CUX1: variants seen among roughly 807,000 people sequenced by gnomAD.
The protein encoded by CUX1 is cut like homeobox 1, also known as protein CASP.
In CUX1, 31 loss-of-function variants were observed where a neutral mutation model predicts 158.8. That is an observed-to-expected ratio of 0.20 (90% CI 0.15 to 0.26). CUX1 has a LOEUF of 0.26. CUX1 is among the 10% of genes least tolerant of loss of function. CUX1 has a pLI of 1.00. For missense variants in CUX1, 1,589 were observed against 2,014.6 expected (o/e 0.79, Z 4.04); for synonymous variants, 879 against 862.1 (o/e 1.02, Z -0.34).
At chr7:102,262,835 G>A (rs1434429007), downstream of CUX1, among the ~76,000 whole-genome samples, 5 of 152,110 alleles carry the variant, frequency 3.3e-5, no homozygotes, top group African/African-American at 1.2e-4. Flanking sequence ...AATACATACC[G>A]AAGGCTGACC....
At chr7:102,008,718 A>C (rs1201326899) in intron 2 of CUX1, among the ~76,000 whole-genome samples, 5 of 138,202 alleles carry the variant, frequency 3.6e-5, no homozygotes, top group African/African-American at 1.3e-4. Context: ...TGACTAGGAC[A>C]GGACATGGGG....
rs1563425647 is a variant in CUX1 at position 102,216,633 on chromosome 7, C to CA, written c.3131-10734_3131-10733insA. ...ACACACACTCCCCACACACACACCC[C>CA]CACACACGCACACACACACACTCTC... On this transcript the variant is annotated intron_variant, in intron 20 of 23. Coordinates refer to ENST00000292535, the MANE Select transcript of CUX1 (RefSeq NM_181552.4). 4.3e-3 allele frequency among the ~76,000 whole-genome samples: 442 copies of CA among 102,318 alleles called. 10 individuals carry two copies. The highest frequency in any genetic ancestry group is 0.016 in the African/African-American group (419 of 25,598). 67.1% of individuals were successfully genotyped at this position (102,318 alleles called of 152,430 possible). A position where few individuals can be genotyped will look rare whatever the true frequency, so the allele number is the denominator to read the frequency against.
chr7:102,224,866 C>G (rs1798191333), intron 20 of CUX1, among the ~76,000 whole-genome samples: 1 of 152,194 alleles, frequency 6.6e-6, no homozygotes, highest in Non-Finnish European at 1.5e-5. Context: ...GTTGACCTTG[C>G]TGTGGGTTAA....
At chr7:101,950,438 T>TA (rs1293872748) in intron 2 of CUX1, among the ~76,000 whole-genome samples, 1 of 152,128 alleles carries the variant, frequency 6.6e-6, no homozygotes, top group East Asian at 1.9e-4. Context: ...TGTAGTAAAA[T>TA]ACACATAACA....
chr7:102,243,090 A>G (rs548342227), intron 23 of CUX1, among the ~76,000 whole-genome samples: 1 of 152,240 alleles, frequency 6.6e-6, no homozygotes, highest in Admixed American at 6.5e-5. Flanking sequence ...CCTGGCCAAC[A>G]TGATGAAACC....
At chr7:101,952,769 G>A (rs1057514213) in intron 2 of CUX1, among the ~76,000 whole-genome samples, 1 of 152,150 alleles carries the variant, frequency 6.6e-6, no homozygotes, top group African/African-American at 2.4e-5. Context: ...GGCTTACCTG[G>A]TCCCAGAGGT....
intron 3 of CUX1, among the ~76,000 whole-genome samples, chr7:102,040,942 A>G (rs947164012): frequency 2.6e-5 from 4 of 152,276 alleles, no homozygotes; most frequent in Non-Finnish European, 5.9e-5. Flanking sequence ...TTGGTTGACT[A>G]TCGCTAGCAG....
At chr7:102,110,684 G>A (rs1830795262) in intron 6 of CUX1, among the ~76,000 whole-genome samples, 1 of 152,098 alleles carries the variant, frequency 6.6e-6, no homozygotes, top group South Asian at 2.1e-4. Context: ...AGTGTGTTAT[G>A]TGTTTGCTTA....
At chr7:102,088,279 T>A (rs1554481201) in intron 4 of CUX1, among the ~76,000 whole-genome samples, 1 of 152,200 alleles carries the variant, frequency 6.6e-6, no homozygotes, top group Non-Finnish European at 1.5e-5. Context: ...ATTACAAGCG[T>A]GAGCCACCGC....
intron 20 of CUX1, among the ~76,000 whole-genome samples, chr7:102,208,378 A>C (rs1405042627): frequency 6.6e-6 from 1 of 152,098 alleles, no homozygotes; most frequent in Non-Finnish European, 1.5e-5. Flanking sequence ...CAAGTAGCTG[A>C]AACTACAGGC....
At chr7:101,856,182 CAAAAAAAAAAAAAA>C (rs768518044) in intron 1 of CUX1, among the ~76,000 whole-genome samples, 2 of 48,040 alleles carry the variant, frequency 4.2e-5, no homozygotes, top group African/African-American at 1.5e-4. Context: ...GACCCTGTCT[CAAAAAAAAAAAAAA>C]AAAAAAAAAA....
chr7:101,881,005 G>A (rs1320052579), intron 1 of CUX1, among the ~76,000 whole-genome samples: 3 of 152,204 alleles, frequency 2.0e-5, no homozygotes, highest in Non-Finnish European at 2.9e-5. Context: ...TTGATTTTGG[G>A]GGAGCCCCCC....
intron 2 of CUX1, among the ~76,000 whole-genome samples, chr7:102,021,088 C>T (rs1217578198): frequency 2.0e-5 from 3 of 151,704 alleles, no homozygotes; most frequent in Non-Finnish European, 4.4e-5. Context: ...CAGAAGTGAC[C>T]CAGTTCAGCC....
chr7:102,233,928 A>C (rs782383800), intron 21 of CUX1, 124 bp from the exon 22 acceptor site: 6 of 607,864 alleles, frequency 9.9e-6, no homozygotes, highest in Non-Finnish European at 1.5e-5. Context: ...GTAAGCTAGG[A>C]TGTCACCAGC....
chr7:102,089,737 A>C (rs1169343705), intron 4 of CUX1, among the ~76,000 whole-genome samples: 1 of 152,236 alleles, frequency 6.6e-6, no homozygotes, highest in East Asian at 1.9e-4. Context: ...GCCTCTCTGC[A>C]GATTTCTGTA....
At chr7:102,171,885 T>C (rs371484046) in intron 10 of CUX1, among the ~76,000 whole-genome samples, 1 of 152,148 alleles carries the variant, frequency 6.6e-6, no homozygotes, top group African/African-American at 2.4e-5. Flanking sequence ...TGAGTACATA[T>C]CAGTTGTAGG....
Position 102,281,825 on chromosome 7 carries a change from C to T in CUX1, c.1822-15C>T, listed in dbSNP as rs1487066372. 4 of 1,596,598 alleles carry T rather than the reference C, an allele frequency of 2.5e-6. No homozygotes were observed. The African/African-American group carries it at 4.0e-5, about 16-fold the overall frequency. On this transcript the variant is annotated splice_polypyrimidine_tract_variant and intron_variant, in intron 20 of 22. Coordinates refer to the CUX1 transcript ENST00000292538. ...AGGCCGGCCCCATCCCCACTCACCCCCTCCTTGCTCCCAGGGGCGTCTGGT... is the reference window on the plus strand; with the variant it reads ...AGGCCGGCCCCATCCCCACTCACCCTCTCCTTGCTCCCAGGGGCGTCTGGT...
chr7:102,065,025 A>G (rs578135746), intron 3 of CUX1, among the ~76,000 whole-genome samples: 16 of 152,290 alleles, frequency 1.1e-4, no homozygotes, highest in African/African-American at 3.8e-4. Context: ...GGGACAACCT[A>G]CCACAGACTG....
intron 2 of CUX1, among the ~76,000 whole-genome samples, chr7:101,971,780 C>A (rs1811986937): frequency 6.6e-6 from 1 of 152,190 alleles, no homozygotes; most frequent in South Asian, 2.1e-4. Context: ...TTGCCGGTTA[C>A]AAGTTGCTGG....
Sources: gnomAD v4.1 joint callset for allele counts (sites outside exome capture counted in the v4.1 genomes callset) on GRCh38, gnomAD v4.1.1 for gene constraint, MANE v1.5 for transcripts, NCBI Gene and HGNC (gene_info 2026-07-23, HGNC 2026-07-21) for gene names.